FKBP9: variants seen among roughly 807,000 people sequenced by gnomAD.
The protein encoded by FKBP9 is peptidyl-prolyl cis-trans isomerase FKBP9.
A neutral mutation model predicts 55.6 loss-of-function variants in FKBP9; 27 were observed. The observed-to-expected ratio is 0.49, with a 90% CI of 0.36 to 0.67. FKBP9 has a LOEUF of 0.67. Among genes scored for constraint, FKBP9 ranks in the 30% least tolerant of loss-of-function variants. FKBP9 has a pLI of 0.00. For missense variants in FKBP9, 539 were observed against 742.8 expected (o/e 0.73, Z 3.19); for synonymous variants, 267 against 296.5 (o/e 0.90, Z 1.02).
At chr7:32,963,074 T>C (rs1213784495) in intron 1 of FKBP9, among the ~76,000 whole-genome samples, 4 of 152,248 alleles carry the variant, frequency 2.6e-5, no homozygotes, top group African/African-American at 9.6e-5. Context: ...TTCTTCTTGC[T>C]GAAGCCATAT....
chr7:32,968,560 G>T, intron 1 of FKBP9, among the ~76,000 whole-genome samples: 1 of 150,504 alleles, frequency 6.6e-6, no homozygotes, highest in Non-Finnish European at 1.5e-5. Flanking sequence ...TTGCATTGTG[G>T]TTTTCTTTTT....
At chr7:32,966,968 C>G (rs1225917571) in intron 1 of FKBP9, among the ~76,000 whole-genome samples, 2 of 152,098 alleles carry the variant, frequency 1.3e-5, no homozygotes, top group African/African-American at 4.8e-5. Flanking sequence ...AGATCCAAAC[C>G]CTATCAGGCA....
chr7:32,969,317 T>G (rs1031765291), intron 1 of FKBP9, among the ~76,000 whole-genome samples: 7 of 152,114 alleles, frequency 4.6e-5, no homozygotes, highest in African/African-American at 1.7e-4. Context: ...AATGTCATGA[T>G]GCTTTTCCCT....
intron 6 of FKBP9, among the ~76,000 whole-genome samples, chr7:32,995,501 T>C (rs1784767361): frequency 1.3e-5 from 2 of 152,066 alleles, no homozygotes; most frequent in Non-Finnish European, 1.5e-5. Flanking sequence ...AAAGGGAAAA[T>C]GTAGGTGAAA....
Position 32,979,049 on chromosome 7 carries a change from G to A in FKBP9, c.704-1315G>A, listed in dbSNP as rs527786710. On this transcript the variant is annotated intron_variant, in intron 4 of 9. Coordinates refer to ENST00000242209, the MANE Select transcript of FKBP9 (RefSeq NM_007270.5). ...TTTGGGAGGCTGATTTGGGTGGATC[G>A]CCTGAGGTCGGGAGTTCAAGACCAG... Among the ~76,000 whole-genome samples, 41 of 152,218 alleles carry A rather than the reference G, an allele frequency of 2.7e-4. No homozygotes were observed. The South Asian group carries it at 6.0e-3, about 22-fold the overall frequency.
chr7:32,963,413 G>A (rs1378773830), intron 1 of FKBP9: 1 of 399,934 alleles, frequency 2.5e-6, no homozygotes, highest in East Asian at 3.6e-5. Flanking sequence ...TGAAGGGAAG[G>A]TTTTTGTTCA....
rs1448341973 is a variant in FKBP9, at chr7:32,957,767, TC to T, written c.198del (p.Asp67ThrfsTer24). ...GTGCGCTACCACTACGTGGGGACGT[TC>T]CCCGACGGCCAGAAGTTCGACTCCA... ...DFVRYHYVGT[F>X]PDGQKFDSSY... On this transcript the variant is annotated frameshift_variant, in exon 1 of 10. Transcript: ENST00000242209. LOFTEE classifies it high-confidence loss of function. 6.8e-7 allele frequency: 1 copy of T among 1,466,528 alleles called. No individual in the cohort carries two copies. The allele number at this position is 1,466,528 out of a possible 1,614,324, so 90.8% of individuals were successfully genotyped here. A position where few individuals can be genotyped will look rare whatever the true frequency, so the allele number is the denominator to read the frequency against.
intron 6 of FKBP9, among the ~76,000 whole-genome samples, chr7:32,995,441 A>G (rs1406195195): frequency 6.6e-6 from 1 of 152,194 alleles, no homozygotes; most frequent in Admixed American, 6.5e-5. Flanking sequence ...CTGTCGTTAA[A>G]TTCCTGGGGT....
intron 1 of FKBP9, among the ~76,000 whole-genome samples, chr7:32,973,672 G>GT (rs1784294895): frequency 2.3e-5 from 2 of 87,372 alleles, no homozygotes; most frequent in African/African-American, 4.0e-5. Flanking sequence ...ATGAAATGAA[G>GT]TTTTTTGTTG....
intron 1 of FKBP9, among the ~76,000 whole-genome samples, 157 bp downstream of exon 1, chr7:32,957,951 C>T (rs1266421278): frequency 6.6e-6 from 1 of 152,258 alleles, no homozygotes; most frequent in Non-Finnish European, 1.5e-5. Flanking sequence ...CCAGACCCTC[C>T]GCCGCGGGTG....
intron 1 of FKBP9, among the ~76,000 whole-genome samples, chr7:32,963,933 G>A (rs1442573410): frequency 1.3e-5 from 2 of 152,152 alleles, no homozygotes; most frequent in African/African-American, 4.8e-5. Flanking sequence ...CCTAAGTGGG[G>A]GCCCAGGCTC....
intron 6 of FKBP9, among the ~76,000 whole-genome samples, chr7:32,994,116 G>A (rs895212275): frequency 1.3e-5 from 2 of 152,118 alleles, no homozygotes; most frequent in Non-Finnish European, 1.5e-5. Context: ...TCATGTTAAA[G>A]TTTACAATTT....
chr7:32,996,146 C>T lies in FKBP9; in HGVS notation c.1040-17C>T. ...CCTGCAGGGGTCATTCATTAATTCCCCGTGTCTGTCCTTTAGGGAATATCC... is the reference window on the plus strand; with the variant it reads ...CCTGCAGGGGTCATTCATTAATTCCTCGTGTCTGTCCTTTAGGGAATATCC... On this transcript the variant is annotated splice_polypyrimidine_tract_variant and intron_variant, in intron 6 of 9. Transcript: ENST00000242209. 1 of 1,612,554 alleles carries T rather than the reference C, an allele frequency of 6.2e-7. No homozygotes were observed. The highest frequency in any genetic ancestry group is 8.5e-7 in the Non-Finnish European group (1 of 1,178,980).
At chr7:32,987,912 G>A (rs865813722) in intron 5 of FKBP9, among the ~76,000 whole-genome samples, 2 of 152,146 alleles carry the variant, frequency 1.3e-5, no homozygotes, top group Admixed American at 1.3e-4. Flanking sequence ...GGGCACGGTG[G>A]CTCATACCTG....
chr7:32,997,365 C>T (rs745323755), intron 7 of FKBP9, among the ~76,000 whole-genome samples: 1 of 152,058 alleles, frequency 6.6e-6, no homozygotes, highest in Non-Finnish European at 1.5e-5. Context: ...AGTCACTGCA[C>T]CTGACCCAGG....
chr7:32,994,634 C>T (rs1477119598), intron 6 of FKBP9, among the ~76,000 whole-genome samples: 2 of 151,782 alleles, frequency 1.3e-5, no homozygotes, highest in African/African-American at 2.4e-5. Flanking sequence ...CACCTGTGTT[C>T]TGCTATTAAA....
In FKBP9 at chr7:32,957,456, T is replaced by C; in HGVS notation, c.-118T>C. The C allele has an allele frequency of 1.4e-6, 1 of 731,540 alleles. No homozygotes were observed. The highest frequency in any genetic ancestry group is 4.4e-5 in the Admixed American group (1 of 22,672). 45.3% of individuals were successfully genotyped at this position (731,540 alleles called of 1,614,324 possible). A position where few individuals can be genotyped will look rare whatever the true frequency, so the allele number is the denominator to read the frequency against. On this transcript the variant is annotated 5_prime_UTR_variant, in exon 1 of 10. Transcript: ENST00000242209. ...GCGGCCGGGGAGACGGGGTGGCGGC[T>C]GCAGCCCGGGTAGGGCCAGGAGACC...
At chr7:32,964,448 T>C (rs1784093252) in intron 1 of FKBP9, among the ~76,000 whole-genome samples, 1 of 152,254 alleles carries the variant, frequency 6.6e-6, no homozygotes, top group Non-Finnish European at 1.5e-5. Flanking sequence ...GGATTTTGCT[T>C]TGCTTTGCAA....
intron 5 of FKBP9, among the ~76,000 whole-genome samples, chr7:32,988,275 T>C (rs1392601062): frequency 6.6e-6 from 1 of 152,230 alleles, no homozygotes; most frequent in East Asian, 1.9e-4. Flanking sequence ...CTGATGAAAC[T>C]GGAGGGCCAC....
Sources: allele counts gnomAD v4.1 joint callset (sites outside exome capture counted in the v4.1 genomes callset), GRCh38; gene constraint gnomAD v4.1.1; transcripts MANE v1.5; gene names NCBI Gene and HGNC (gene_info 2026-07-23, HGNC 2026-07-21).